Variants in DPYD observed in about 807,000 individuals in gnomAD.
DPYD encodes dihydropyrimidine dehydrogenase [NADP(+)].
In DPYD, 109 loss-of-function variants were observed where a neutral mutation model predicts 116.2. The ratio of observed to expected loss-of-function variants is 0.94; its 90% CI spans 0.80 to 1.10. The LOEUF is 1.10. Among genes scored for constraint, DPYD ranks in the 50% least tolerant of loss-of-function variants. The pLI, the probability that DPYD is intolerant of heterozygous loss-of-function variation, is 0.00. For synonymous variants in DPYD, 440 were observed against 432.0 expected, an observed-to-expected ratio of 1.02 and a Z score of -0.23; for missense variants, 1,302 against 1,254.5, an observed-to-expected ratio of 1.04 and a Z score of -0.57.
intron 3 of DPYD, among the ~76,000 whole-genome samples, chr1:97,824,218 T>C (rs1169327162): frequency 2.6e-5 from 4 of 152,164 alleles, no homozygotes; most frequent in Non-Finnish European, 5.9e-5. Flanking sequence ...CTATATCAAA[T>C]TATACTTTTT....
chr1:97,799,664 A>G (rs754443446), intron 3 of DPYD, among the ~76,000 whole-genome samples: 7 of 151,868 alleles, frequency 4.6e-5, no homozygotes, highest in Non-Finnish European at 1.0e-4. Flanking sequence ...ACTTTAATCC[A>G]TTTTCTTAAA....
chr1:97,802,675 A>C (rs1667900976), intron 3 of DPYD, among the ~76,000 whole-genome samples: 1 of 152,034 alleles, frequency 6.6e-6, no homozygotes, highest in Non-Finnish European at 1.5e-5. Flanking sequence ...TAGAAGTCCC[A>C]GTTCTCCCAC....
At chr1:97,148,225 G>T (rs1410436038) in intron 20 of DPYD, among the ~76,000 whole-genome samples, 1 of 137,756 alleles carries the variant, frequency 7.3e-6, no homozygotes, top group East Asian at 2.2e-4. Flanking sequence ...CTTCTGTTTG[G>T]TGTATGTGTA....
At chr1:97,255,071 G>A (rs1276786262) in intron 18 of DPYD, among the ~76,000 whole-genome samples, 3 of 152,040 alleles carry the variant, frequency 2.0e-5, no homozygotes, top group Non-Finnish European at 4.4e-5. Context: ...GAGAGTTTAG[G>A]GCATGCCTGA....
chr1:97,738,142 A>G lies in DPYD; in HGVS notation c.321+2250T>C, dbSNP rs542640439. Among the ~76,000 whole-genome samples the G allele has an allele frequency of 4.8e-4, 73 of 152,332 alleles. 1 individual carries two copies. Among genetic ancestry groups the G allele is most frequent in the African/African-American group, 1.5e-3 (62 of 41,588 alleles). On this transcript the variant is annotated intron_variant, in intron 4 of 22. Transcript: ENST00000370192. The stretch of plus-strand genomic sequence containing the variant: ...GAAATCAAGGAACACTGTTTAAAAC[A>G]GCCATTTATTTCACTATATTTATAG...
intron 2 of DPYD, among the ~76,000 whole-genome samples, chr1:97,858,690 T>C (rs992817089): frequency 6.6e-5 from 10 of 151,940 alleles, no homozygotes; most frequent in African/African-American, 2.4e-4. Context: ...AATAAACTGG[T>C]TTAAAAAAAA....
intron 8 of DPYD, among the ~76,000 whole-genome samples, chr1:97,668,087 A>T (rs1055406994): frequency 6.6e-6 from 1 of 152,142 alleles, no homozygotes; most frequent in African/African-American, 2.4e-5. Flanking sequence ...AATAGTGCTG[A>T]TGGTTGCACA....
At chr1:97,871,589 CAA>C (rs370937833) in intron 2 of DPYD, among the ~76,000 whole-genome samples, 21 of 114,078 alleles carry the variant, frequency 1.8e-4, no homozygotes, top group East Asian at 2.6e-4. Context: ...GAAATACAGG[CAA>C]AAAAAAAAAA....
intron 5 of DPYD, among the ~76,000 whole-genome samples, chr1:97,719,324 T>G (rs945576765): frequency 3.9e-5 from 6 of 151,908 alleles, no homozygotes; most frequent in African/African-American, 1.4e-4. Flanking sequence ...AATGGCAGAC[T>G]ACTGAGTTGG....
At chr1:97,647,859 A>G (rs868616518) in intron 8 of DPYD, among the ~76,000 whole-genome samples, 4 of 152,048 alleles carry the variant, frequency 2.6e-5, no homozygotes, top group Admixed American at 1.3e-4. Flanking sequence ...AAAAGTTACT[A>G]ACTGCAGAGT....
At chr1:97,686,636 C>CAAAAAAAAAAAA (rs1159274157) in intron 7 of DPYD, among the ~76,000 whole-genome samples, 1 of 10,054 alleles carries the variant, frequency 9.9e-5, no homozygotes, top group African/African-American at 3.4e-4. Context: ...GACTCTGTCT[C>CAAAAAAAAAAAA]AAAAAAAAAA....
chr1:97,852,758 T>A (rs1272803559), intron 2 of DPYD, among the ~76,000 whole-genome samples: 1 of 152,196 alleles, frequency 6.6e-6, no homozygotes, highest in Non-Finnish European at 1.5e-5. Context: ...ATCAACAACA[T>A]ATTTATAATG....
intron 13 of DPYD, among the ~76,000 whole-genome samples, chr1:97,451,013 A>G (rs1676385695): frequency 6.6e-6 from 1 of 152,146 alleles, no homozygotes; most frequent in Non-Finnish European, 1.5e-5. Flanking sequence ...TTCCAATTAA[A>G]ATTAATTTTG....
intron 19 of DPYD, among the ~76,000 whole-genome samples, chr1:97,227,462 T>G (rs1661264469): frequency 6.6e-6 from 1 of 151,940 alleles, no homozygotes; most frequent in Non-Finnish European, 1.5e-5. Flanking sequence ...TGGACCCTAT[T>G]TAGCTGATGT....
rs545688695 is a variant in DPYD, at chr1:97,261,731, G to C, written c.2300-26737C>G. Reference sequence around the variant, plus strand: ...CTAGGCAGGCATTTGGCATACATTAGCTAATTTATTCCTCATAATAGCTCT... The same window carrying C: ...CTAGGCAGGCATTTGGCATACATTACCTAATTTATTCCTCATAATAGCTCT... On this transcript the variant is annotated intron_variant, in intron 18 of 22. Coordinates refer to ENST00000370192, the MANE Select transcript of DPYD (RefSeq NM_000110.4). Among the ~76,000 whole-genome samples, 9 of 152,060 alleles carry C rather than the reference G, an allele frequency of 5.9e-5. No homozygotes were observed. In the East Asian group the frequency reaches 1.7e-3, roughly 29 times the overall value.
At chr1:97,581,596 A>T (rs1653677175) in intron 10 of DPYD, among the ~76,000 whole-genome samples, 1 of 151,470 alleles carries the variant, frequency 6.6e-6, no homozygotes, top group Non-Finnish European at 1.5e-5. Flanking sequence ...TTTTTAAAAA[A>T]TTTGCCAGGT....
intron 21 of DPYD, among the ~76,000 whole-genome samples, chr1:97,091,174 C>A (rs1649873954): frequency 6.6e-6 from 1 of 152,076 alleles, no homozygotes; most frequent in South Asian, 2.1e-4. Flanking sequence ...CTTTCTACAG[C>A]AGATGGGGAA....
intron 8 of DPYD, among the ~76,000 whole-genome samples, chr1:97,674,808 C>A (rs147147918): frequency 1.6e-4 from 25 of 152,218 alleles, no homozygotes; most frequent in South Asian, 6.2e-4. Flanking sequence ...ATTCAGATTT[C>A]TTTATTGTTT....
At chr1:97,480,850 T>G (rs1678256356) in intron 13 of DPYD, among the ~76,000 whole-genome samples, 1 of 152,038 alleles carries the variant, frequency 6.6e-6, no homozygotes, top group African/African-American at 2.4e-5. Flanking sequence ...CATGGTGGCA[T>G]GCACCTGTAA....
Sources: allele counts gnomAD v4.1 joint callset (sites outside exome capture counted in the v4.1 genomes callset), GRCh38; gene constraint gnomAD v4.1.1; transcripts MANE v1.5; gene names NCBI Gene and HGNC (gene_info 2026-07-23, HGNC 2026-07-21).